Variants in AFG2A observed in about 807,000 individuals in gnomAD.
AFG2A encodes the protein ATPase family gene 2 protein homolog A.
chr4:122,938,211 G>T, the AFG2A span: 1 of 1,610,730 alleles, frequency 6.2e-7, no homozygotes, highest in Non-Finnish European at 8.5e-7. Flanking sequence ...AAAAAGAGTT[G>T]TGGCTTCACT....
chr4:123,051,640 CTTTTTTTTT>C, the AFG2A span, among the ~76,000 whole-genome samples: 2 of 96,080 alleles, frequency 2.1e-5, no homozygotes, highest in Admixed American at 1.3e-4. Context: ...ATTTCCTCAG[CTTTTTTTTT>C]TTTTTTTTTT....
chr4:122,934,447 G>T, the AFG2A span: 1 of 1,614,242 alleles, frequency 6.2e-7, no homozygotes, highest in Non-Finnish European at 8.5e-7. Flanking sequence ...GCTAGAGGAA[G>T]TCACAGGTCT....
chr4:123,014,501 T>A, the AFG2A span, among the ~76,000 whole-genome samples: 1 of 152,308 alleles, frequency 6.6e-6, no homozygotes, highest in East Asian at 1.9e-4. Flanking sequence ...CATACATTTT[T>A]GTAATCTAAG....
At chr4:123,122,773 G>GTTTTTTTTTTTTTTTTTTT in the AFG2A span, among the ~76,000 whole-genome samples, 1 of 140,080 alleles carries the variant, frequency 7.1e-6, no homozygotes. Context: ...CATGTCATCT[G>GTTTTTTTTTTTTTTTTTTT]TTTTTTTGTT....
chr4:123,150,245 G>C, the AFG2A span, among the ~76,000 whole-genome samples: 2 of 152,056 alleles, frequency 1.3e-5, no homozygotes, highest in African/African-American at 4.8e-5. Context: ...CACCACTCCT[G>C]TTCAACATAG....
the AFG2A span, among the ~76,000 whole-genome samples, chr4:122,987,909 C>G: frequency 6.6e-6 from 1 of 152,060 alleles, no homozygotes. Context: ...GGGTTTTGTA[C>G]TTTCATATGC....
chr4:123,281,547 C>G, the AFG2A span, among the ~76,000 whole-genome samples: 1 of 152,142 alleles, frequency 6.6e-6, no homozygotes, highest in Admixed American at 6.6e-5. Context: ...CACTTCACTT[C>G]TGGGCCTCAG....
At chr4:123,233,943 A>C in the AFG2A span, among the ~76,000 whole-genome samples, 19 of 152,204 alleles carry the variant, frequency 1.2e-4, no homozygotes, top group East Asian at 3.3e-3. Context: ...ATTAATTGCC[A>C]GGAGAATCTG....
chr4:123,028,300 A>C, the AFG2A span: 1 of 1,614,152 alleles, frequency 6.2e-7, no homozygotes, highest in Non-Finnish European at 8.5e-7. Flanking sequence ...TCAGCCACCT[A>C]AAGGAGTTCT....
chr4:123,236,216 A>G, the AFG2A span, among the ~76,000 whole-genome samples: 2 of 152,214 alleles, frequency 1.3e-5, no homozygotes, highest in Non-Finnish European at 2.9e-5. Context: ...AACGCATTCA[A>G]GAACCTTTAG....
chr4:123,234,121 T>C, the AFG2A span, among the ~76,000 whole-genome samples: 5 of 152,142 alleles, frequency 3.3e-5, no homozygotes, highest in African/African-American at 9.7e-5. Flanking sequence ...TAAAAGCATA[T>C]TTGTCTTGGC....
the AFG2A span, among the ~76,000 whole-genome samples, chr4:123,227,701 G>A: frequency 2.0e-5 from 3 of 152,166 alleles, no homozygotes; most frequent in Non-Finnish European, 4.4e-5. Context: ...ATTTGAGGTG[G>A]AGAGTTCTGT....
At chr4:123,077,027 A>AT in the AFG2A span, among the ~76,000 whole-genome samples, 1 of 134,092 alleles carries the variant, frequency 7.5e-6, no homozygotes, top group Admixed American at 7.7e-5. Context: ...TGTAAGTGAA[A>AT]TTTTTTTTTC....
chr4:123,123,229 G>C, the AFG2A span, among the ~76,000 whole-genome samples: 4 of 152,036 alleles, frequency 2.6e-5, no homozygotes, highest in Non-Finnish European at 5.9e-5. Flanking sequence ...TTAAATTCTT[G>C]ATAAGTCTTG....
At chr4:123,033,585 C>T in the AFG2A span, among the ~76,000 whole-genome samples, 1 of 152,078 alleles carries the variant, frequency 6.6e-6, no homozygotes, top group African/African-American at 2.4e-5. Flanking sequence ...GCCAAAGATA[C>T]AGGAAACTGT....
chr4:122,990,336 G>A, the AFG2A span, among the ~76,000 whole-genome samples: 5 of 152,164 alleles, frequency 3.3e-5, no homozygotes. Flanking sequence ...TTTCATCACA[G>A]TTGTACTCTT....
the AFG2A span, chr4:122,947,186 T>A: frequency 2.0e-5 from 29 of 1,480,514 alleles, no homozygotes; most frequent in Non-Finnish European, 2.5e-5. Context: ...CACTTTTTTT[T>A]TTCTAACTTT....
chr4:123,119,202 G>A, the AFG2A span, among the ~76,000 whole-genome samples: 1 of 151,534 alleles, frequency 6.6e-6, no homozygotes, highest in Non-Finnish European at 1.5e-5. Context: ...CTAGAATTTT[G>A]GAATCAGTAT....
At chr4:123,175,784 G>A in the AFG2A span, among the ~76,000 whole-genome samples, 17 of 152,154 alleles carry the variant, frequency 1.1e-4, no homozygotes, top group African/African-American at 4.1e-4. Context: ...TGCAACGGAT[G>A]CATCCTGTGG....
Sources: gnomAD v4.1 joint callset for allele counts (sites outside exome capture counted in the v4.1 genomes callset) on GRCh38, gnomAD v4.1.1 for gene constraint, MANE v1.5 for transcripts, NCBI Gene and HGNC (gene_info 2026-07-23, HGNC 2026-07-21) for gene names.